TUSC3: variants seen among roughly 807,000 people sequenced by gnomAD.
The protein encoded by TUSC3 is tumor suppressor candidate 3.
A neutral mutation model predicts 44.8 loss-of-function variants in TUSC3; 45 were observed. The ratio of observed to expected loss-of-function variants is 1.00; its 90% CI spans 0.79 to 1.29. TUSC3 has a LOEUF of 1.29. Ranked by LOEUF, TUSC3 falls within the 50% of genes most tolerant of loss-of-function variation. The pLI is 0.00. For synonymous variants in TUSC3, 212 were observed against 152.9 expected (o/e 1.39, Z -2.85); for missense variants, 519 against 437.9 (o/e 1.19, Z -1.65).
intron 1 of TUSC3, among the ~76,000 whole-genome samples, chr8:15,417,927 A>C (rs78618017): frequency 0.044 from 6,679 of 152,214 alleles, 484 homozygotes; most frequent in African/African-American, 0.15. Context: ...TATTAATGAG[A>C]TGTGGGAAAG....
chr8:15,698,600 T>C (rs1809265954), intron 6 of TUSC3, among the ~76,000 whole-genome samples: 1 of 152,186 alleles, frequency 6.6e-6, no homozygotes, highest in Admixed American at 6.5e-5. Context: ...AAATTGTTTA[T>C]ACTATTACAT....
intron 1 of TUSC3, among the ~76,000 whole-genome samples, chr8:15,592,092 A>C (rs1038942058): frequency 1.3e-5 from 2 of 152,148 alleles, no homozygotes; most frequent in Non-Finnish European, 2.9e-5. Context: ...TTGGACTTGG[A>C]GATGTAGAAG....
chr8:15,552,342 A>G lies in TUSC3; in HGVS notation c.138+11774A>G, dbSNP rs944507269. ...ACATGTTAGGTAGGTACAGTGCTGG[A>G]TTTTGAAGGTAGAGTGATGAATAAG... On this transcript the variant is annotated intron_variant, in intron 1 of 10. Coordinates refer to ENST00000503731, the MANE Select transcript of TUSC3 (RefSeq NM_006765.4). 2.6e-5 allele frequency among the ~76,000 whole-genome samples: 4 copies of G among 151,684 alleles called. No homozygotes were observed. The East Asian group carries it at 7.8e-4, about 29-fold the overall frequency.
intron 5 of TUSC3, among the ~76,000 whole-genome samples, chr8:15,668,004 T>C (rs1241984686): frequency 6.6e-6 from 1 of 151,696 alleles, no homozygotes; most frequent in East Asian, 1.9e-4. Flanking sequence ...TGGCAACCTC[T>C]AGATGTGAGA....
chr8:15,816,234 T>C, the TUSC3 span, among the ~76,000 whole-genome samples: 20 of 152,188 alleles, frequency 1.3e-4, no homozygotes, highest in East Asian at 7.7e-4. Context: ...GAGATTTAGA[T>C]AATGAAGAGA....
At chr8:15,423,122 C>T (rs1799758723) in intron 1 of TUSC3, among the ~76,000 whole-genome samples, 1 of 152,052 alleles carries the variant, frequency 6.6e-6, no homozygotes, top group Non-Finnish European at 1.5e-5. Context: ...TTCTTAGTTT[C>T]TTATAATGTT....
chr8:15,423,730 G>A (rs1024499127), intron 1 of TUSC3, among the ~76,000 whole-genome samples: 5 of 152,102 alleles, frequency 3.3e-5, no homozygotes, highest in Non-Finnish European at 7.4e-5. Context: ...GGACAAGTCA[G>A]AGGTTTACCT....
chr8:15,724,497 GTGT>G (rs1810423042), intron 6 of TUSC3, among the ~76,000 whole-genome samples: 1 of 152,126 alleles, frequency 6.6e-6, no homozygotes, highest in Non-Finnish European at 1.5e-5. Context: ...CTTCTTAGAA[GTGT>G]TGTCAAGGAA....
At chr8:15,771,418 GC>G (rs1382823211), downstream of TUSC3, among the ~76,000 whole-genome samples, 1 of 152,120 alleles carries the variant, frequency 6.6e-6, no homozygotes, top group African/African-American at 2.4e-5. Flanking sequence ...AGTCCTTCAA[GC>G]TGAAAGGACA....
In TUSC3 at chr8:15,499,539, A is replaced by G. The variant is rs555146601; in HGVS notation, n.189+16056A>G. Among the ~76,000 whole-genome samples, 14 of 152,282 alleles carry G rather than the reference A, an allele frequency of 9.2e-5. No individual in the cohort carries two copies. In the East Asian group the frequency reaches 1.5e-3, roughly 17 times the overall value. ...TGTCAATGGACTTATAATGAGATAA[A>G]TGGCCTCTCTTTTGTGTCTGCATTC... On this transcript the variant is annotated intron_variant and non_coding_transcript_variant, in intron 2 of 5. Transcript: ENST00000503191.
At chr8:15,424,868 G>T (rs1799784594) in intron 1 of TUSC3, among the ~76,000 whole-genome samples, 1 of 140,026 alleles carries the variant, frequency 7.1e-6, no homozygotes. Flanking sequence ...GACAGAGCGA[G>T]ACTCTGTCTC....
the TUSC3 span, among the ~76,000 whole-genome samples, chr8:15,775,402 G>A: frequency 6.6e-6 from 1 of 151,938 alleles, no homozygotes; most frequent in South Asian, 2.1e-4. Context: ...TATTGTGAAT[G>A]TACTTCATGC....
At chr8:15,597,018 G>T (rs1355042867) in intron 1 of TUSC3, among the ~76,000 whole-genome samples, 6 of 152,150 alleles carry the variant, frequency 3.9e-5, no homozygotes, top group African/African-American at 1.4e-4. Flanking sequence ...GAAGGCTAAA[G>T]AAAAGCTGGG....
chr8:15,555,130 A>G (rs913986891), intron 1 of TUSC3, among the ~76,000 whole-genome samples: 29 of 138,366 alleles, frequency 2.1e-4, no homozygotes, highest in Admixed American at 2.3e-4. Flanking sequence ...ACAATATTAT[A>G]ATAGCAGTCT....
chr8:15,729,096 G>A (rs186769283), intron 6 of TUSC3, among the ~76,000 whole-genome samples: 83 of 152,200 alleles, frequency 5.5e-4, no homozygotes, highest in Admixed American at 4.2e-3. Context: ...CCTAGAAGAC[G>A]TCTGAAGTTA....
intron 10 of TUSC3, 47 bp from the exon 11 acceptor site, chr8:15,764,156 T>C: frequency 6.7e-7 from 1 of 1,499,690 alleles, no homozygotes; most frequent in South Asian, 1.1e-5. Context: ...TATTGTATTT[T>C]CCTTATGTTC....
chr8:15,822,487 A>C, the TUSC3 span, among the ~76,000 whole-genome samples: 2 of 152,158 alleles, frequency 1.3e-5, no homozygotes, highest in African/African-American at 4.8e-5. Context: ...CTGATTAATT[A>C]GGTCTTTGGA....
At chr8:15,833,248 T>G in the TUSC3 span, among the ~76,000 whole-genome samples, 1 of 152,198 alleles carries the variant, frequency 6.6e-6, no homozygotes, top group East Asian at 1.9e-4. Context: ...GGAACATTTA[T>G]ACGCTGTTGA....
At chr8:15,537,847 T>A (rs1801546604), upstream of TUSC3, among the ~76,000 whole-genome samples, 1 of 152,166 alleles carries the variant, frequency 6.6e-6, no homozygotes, top group Non-Finnish European at 1.5e-5. Context: ...TATCTAGATG[T>A]CAATATTTTA....
Sources: allele counts gnomAD v4.1 joint callset (sites outside exome capture counted in the v4.1 genomes callset), GRCh38; gene constraint gnomAD v4.1.1; transcripts MANE v1.5; gene names NCBI Gene and HGNC (gene_info 2026-07-23, HGNC 2026-07-21).